BLOC1S3: variants seen among roughly 807,000 people sequenced by gnomAD.
BLOC1S3 encodes biogenesis of lysosome-related organelles complex 1 subunit 3.
A neutral mutation model predicts 9.1 loss-of-function variants in BLOC1S3; 7 were observed. The ratio of observed to expected loss-of-function variants is 0.77; its 90% CI spans 0.44 to 1.45. BLOC1S3 has a LOEUF of 1.45. Among genes scored for constraint, BLOC1S3 ranks in the 40% most tolerant of loss-of-function variants. The pLI, the probability that BLOC1S3 is intolerant of heterozygous loss-of-function variation, is 0.01. For synonymous variants in BLOC1S3, 145 were observed against 158.4 expected (o/e 0.92, Z 0.64); for missense variants, 307 against 315.2 (o/e 0.97, Z 0.20).
At chr19:45,212,289 G>C (rs983837710) in intron 3 of BLOC1S3, among the ~76,000 whole-genome samples, 1 of 152,218 alleles carries the variant, frequency 6.6e-6, no homozygotes, top group African/African-American at 2.4e-5. Context: ...GCCCGGCCTT[G>C]GGTGTGTGAG....
At chr19:45,182,148 C>G (rs1259263789), downstream of BLOC1S3, among the ~76,000 whole-genome samples, 2 of 152,250 alleles carry the variant, frequency 1.3e-5, no homozygotes, top group African/African-American at 4.8e-5. Context: ...GAGATGATAG[C>G]CTGGCCAACA....
chr19:45,213,455 G>T, intron 3 of BLOC1S3: 1 of 1,472,512 alleles, frequency 6.8e-7, no homozygotes. Context: ...ACCTATCCCA[G>T]AAATTGCCTG....
chr19:45,213,474 G>A, intron 3 of BLOC1S3: 1 of 1,269,176 alleles, frequency 7.9e-7, no homozygotes, highest in Non-Finnish European at 1.1e-6. Context: ...TGAGTTCTGG[G>A]GCCTCTGTGT....
chr19:45,202,622 C>G (rs1024324724), intron 3 of BLOC1S3: 4 of 152,264 alleles, frequency 2.6e-5, no homozygotes, highest in Non-Finnish European at 4.4e-5. Flanking sequence ...ATGCCAGCAG[C>G]TGCTGGGTGC....
intron 2 of BLOC1S3, among the ~76,000 whole-genome samples, chr19:45,195,047 C>T (rs1338366846): frequency 6.6e-6 from 1 of 151,800 alleles, no homozygotes; most frequent in Non-Finnish European, 1.5e-5. Flanking sequence ...TCTCCTGCCC[C>T]AGCCTCCCGG....
chr19:45,184,485 G>A (rs1865884628), downstream of BLOC1S3, among the ~76,000 whole-genome samples: 1 of 152,078 alleles, frequency 6.6e-6, no homozygotes. Flanking sequence ...GTGCGCCTGT[G>A]GTCCCAGCTA....
chr19:45,213,037 TGGGGTCA>T, intron 3 of BLOC1S3: 1 of 1,457,562 alleles, frequency 6.9e-7, no homozygotes. Context: ...GCAGCATAGA[TGGGGTCA>T]CTAAGGCCGG....
chr19:45,216,352 G>A (rs1962465145), intron 3 of BLOC1S3, among the ~76,000 whole-genome samples: 3 of 152,254 alleles, frequency 2.0e-5, no homozygotes, highest in South Asian at 4.2e-4. Flanking sequence ...GCCGAGGCGG[G>A]TGGATCACTA....
chr19:45,188,771 C>CGTCTCTTATATTTAGTAGAG (rs1969584381), intron 2 of BLOC1S3, among the ~76,000 whole-genome samples: 1 of 151,800 alleles, frequency 6.6e-6, no homozygotes, highest in Non-Finnish European at 1.5e-5. Flanking sequence ...GGGGTTTCAC[C>CGTCTCTTATATTTAGTAGAG]ACGTTGGTCA....
downstream of BLOC1S3, among the ~76,000 whole-genome samples, chr19:45,184,299 G>A (rs1200616365): frequency 2.0e-5 from 3 of 152,124 alleles, no homozygotes; most frequent in Non-Finnish European, 2.9e-5. Context: ...GAGTGAAGGG[G>A]TGGGATGGTA....
intron 3 of BLOC1S3, among the ~76,000 whole-genome samples, chr19:45,206,450 G>GTTTTTTTTTTGTTTT (rs1969726546): frequency 1.8e-5 from 1 of 55,152 alleles, no homozygotes; most frequent in African/African-American, 9.4e-5. Flanking sequence ...GATTAATCAA[G>GTTTTTTTTTTGTTTT]TTTTTTTTTT....
At chr19:45,187,123 G>A (rs1969571108), upstream of BLOC1S3, among the ~76,000 whole-genome samples, 1 of 152,084 alleles carries the variant, frequency 6.6e-6, no homozygotes, top group African/African-American at 2.4e-5. Flanking sequence ...GACCAGGCTG[G>A]GAGAATTCCA....
Position 45,179,390 on chromosome 19 carries a change from T to C in BLOC1S3, c.94T>C (p.Ser32Pro), listed in dbSNP as rs1219782141. 8 of 1,578,456 alleles carry C rather than the reference T, an allele frequency of 5.1e-6. No homozygotes were observed. Among genetic ancestry groups the C allele is most frequent in the Non-Finnish European group, 6.8e-6 (8 of 1,170,380 alleles). Residue 32 changes from serine (S) to proline (P), a missense_variant, in exon 2 of 2, where the codon TCC becomes CCC. By Grantham distance (74) the Ser-to-Pro change is moderately conservative. Coordinates refer to ENST00000433642, the MANE Select transcript of BLOC1S3 (RefSeq NM_212550.5). This position sits in a 1 kb window ranked among gnomAD's most constrained non-coding sequence, Gnocchi z 4.6. Reference protein sequence around the residue: ...ATETDSERSASSSEEEELYLG... With the variant: ...ATETDSERSAPSSEEEELYLG... Reference sequence around the variant, plus strand: ...CGAGACGGATTCCGAGCGCTCTGCGTCCTCGTCGGAGGAGGAGGAGCTGTA... The same window carrying C: ...CGAGACGGATTCCGAGCGCTCTGCGCCCTCGTCGGAGGAGGAGGAGCTGTA...
chr19:45,208,467 C>T (rs139614025), intron 3 of BLOC1S3, among the ~76,000 whole-genome samples: 19,546 of 150,286 alleles, frequency 0.13, 1,279 homozygotes, highest in African/African-American at 0.15. Flanking sequence ...ATTAGCTGGG[C>T]GTGGTGTCGG....
At chr19:45,195,543 TCTC>T (rs1424703432) in intron 2 of BLOC1S3, among the ~76,000 whole-genome samples, 1 of 140,570 alleles carries the variant, frequency 7.1e-6, no homozygotes, top group Non-Finnish European at 1.6e-5. Context: ...AGCCTACTGT[TCTC>T]CTCCCTCCCT....
Position 45,181,591 on chromosome 19 carries a change from G to C in BLOC1S3, c.*1686G>C, listed in dbSNP as rs905269479. On this transcript the variant is annotated 3_prime_UTR_variant, in exon 2 of 2. Transcript: ENST00000433642. ...ACTTGGATTTCTGACTTGGCTCAGGGACTGGGGTTAGCAGTCTCTTTCTGC... is the reference window on the plus strand; with the variant it reads ...ACTTGGATTTCTGACTTGGCTCAGGCACTGGGGTTAGCAGTCTCTTTCTGC... 1.2e-5 allele frequency: 2 copies of C among 167,060 alleles called. No homozygotes were observed. Among genetic ancestry groups the C allele is most frequent in the African/African-American group, 4.8e-5 (2 of 41,434 alleles). 10.3% of individuals were successfully genotyped at this position (167,060 alleles called of 1,614,324 possible).
At chr19:45,183,237 T>C (rs1348207758), downstream of BLOC1S3, among the ~76,000 whole-genome samples, 3 of 151,830 alleles carry the variant, frequency 2.0e-5, no homozygotes, top group Admixed American at 2.0e-4. Context: ...TCCAGCACTT[T>C]GGGAGGTCGA....
At chr19:45,205,598 T>G (rs1969720484) in intron 3 of BLOC1S3, among the ~76,000 whole-genome samples, 3 of 152,184 alleles carry the variant, frequency 2.0e-5, no homozygotes. Context: ...ATGCAAAAGT[T>G]CATTATGTAC....
At chr19:45,192,179 A>C (rs1599751778) in intron 2 of BLOC1S3, among the ~76,000 whole-genome samples, 1 of 151,984 alleles carries the variant, frequency 6.6e-6, no homozygotes, top group African/African-American at 2.4e-5. Flanking sequence ...CAAGCAGGGG[A>C]GCCTCTCCCT....
Sources: allele counts gnomAD v4.1 joint callset (sites outside exome capture counted in the v4.1 genomes callset), GRCh38; gene constraint gnomAD v4.1.1; non-coding constraint Gnocchi (gnomAD v3.1); transcripts MANE v1.5; gene names NCBI Gene and HGNC (gene_info 2026-07-23, HGNC 2026-07-21).